The following DENND2C variants were observed in gnomAD, a reference collection of about 807,000 sequenced individuals.
The protein encoded by DENND2C is DENN domain containing 2C.
Under a neutral mutation model 112.4 loss-of-function variants are expected in DENND2C, and 72 were observed. That is an observed-to-expected ratio of 0.64 (90% CI 0.53 to 0.78). DENND2C has a LOEUF of 0.78. DENND2C is among the 30% of genes least tolerant of loss of function. The pLI, the probability that DENND2C is intolerant of heterozygous loss-of-function variation, is 0.00. For synonymous variants in DENND2C, 329 were observed against 381.6 expected (o/e 0.86, Z 1.61); for missense variants, 992 against 1,113.8 (o/e 0.89, Z 1.56).
chr1:114,632,915 C>A (rs931929752), intron 3 of DENND2C, among the ~76,000 whole-genome samples: 3 of 151,752 alleles, frequency 2.0e-5, no homozygotes, highest in African/African-American at 7.3e-5. Context: ...AAAAATGATA[C>A]CAGATAGATA....
intron 1 of DENND2C, among the ~76,000 whole-genome samples, chr1:114,657,717 T>C (rs968134886): frequency 3.3e-5 from 5 of 152,222 alleles, no homozygotes; most frequent in Non-Finnish European, 7.3e-5. Flanking sequence ...ATATCAACTG[T>C]AGACAATCCA....
At chr1:114,658,801 A>G (rs1380708634) in intron 1 of DENND2C, among the ~76,000 whole-genome samples, 1 of 120,472 alleles carries the variant, frequency 8.3e-6, no homozygotes, top group Non-Finnish European at 2.1e-5. Flanking sequence ...CAAAATGATA[A>G]CTTAGGCAGA....
chr1:114,623,125 T>G, intron 5 of DENND2C, 26 bp from the exon 6 acceptor site: 1 of 1,576,440 alleles, frequency 6.3e-7, no homozygotes, highest in South Asian at 1.2e-5. Context: ...AAAAAAATGT[T>G]TACATGAACA....
intron 2 of DENND2C, among the ~76,000 whole-genome samples, chr1:114,648,325 A>G (rs1287634766): frequency 2.0e-5 from 3 of 152,208 alleles, no homozygotes; most frequent in Non-Finnish European, 2.9e-5. Flanking sequence ...AAACTAATGC[A>G]ACAGGATGTC....
chr1:114,621,990 G>C lies in DENND2C; in HGVS notation c.1132C>G (p.Leu378Val). 3 of 1,550,926 alleles carry C rather than the reference G, an allele frequency of 1.9e-6. No homozygotes were observed. The highest frequency in any genetic ancestry group is 2.6e-6 in the Non-Finnish European group (3 of 1,147,046). ...ACCGGCAAAGTTGTATCTTTTGTAA[G>C]CTTTGACCGCAAATAAGCCTGTGAG... ...KNSQAYLRSK[L>V]TKDTTLPVTL... is the part of the protein sequence containing the mutation. Residue 378 changes from leucine to valine, a missense_variant, in exon 7 of 21, where the codon CTT becomes GTT. Leu to Val is a conservative substitution (Grantham distance 32, BLOSUM62 1). Coordinates refer to ENST00000393274, the MANE Select transcript of DENND2C (RefSeq NM_001256404.2).
At chr1:114,633,453 A>T (rs1044134556) in intron 3 of DENND2C, among the ~76,000 whole-genome samples, 8 of 150,606 alleles carry the variant, frequency 5.3e-5, no homozygotes, top group African/African-American at 2.0e-4. Flanking sequence ...AAAAAAAAAA[A>T]AAAAAAAAAG....
intron 11 of DENND2C, among the ~76,000 whole-genome samples, chr1:114,603,995 T>C (rs980862573): frequency 6.6e-6 from 1 of 152,180 alleles, no homozygotes; most frequent in African/African-American, 2.4e-5. Context: ...GTTTCCCAAA[T>C]AGTCTAGAAT....
At chr1:114,636,474 T>G (rs962182065) in intron 3 of DENND2C, among the ~76,000 whole-genome samples, 1 of 152,132 alleles carries the variant, frequency 6.6e-6, no homozygotes, top group African/African-American at 2.4e-5. Context: ...AAGACCATCG[T>G]GGGCAAAGTG....
intron 1 of DENND2C, among the ~76,000 whole-genome samples, chr1:114,656,691 C>T (rs74384470): frequency 0.05 from 7,577 of 150,292 alleles, 212 homozygotes; most frequent in South Asian, 0.086. Flanking sequence ...CCGCCGCACC[C>T]GGCCTAAACA....
chr1:114,622,765 T>A (rs1207522531), intron 6 of DENND2C, among the ~76,000 whole-genome samples: 1 of 149,554 alleles, frequency 6.7e-6, no homozygotes, highest in Non-Finnish European at 1.5e-5. Flanking sequence ...TCTAAAGGCA[T>A]ATATATTCAA....
At position 114,620,550 on chromosome 1, in the gene DENND2C, GT is replaced by G. The variant is rs1319045395; in HGVS notation, c.1227+1344del. ...CATCTTAAATGCAATCCCTTAAGGT[GT>G]TTGCATTCTTCTCCCTATTAACACA... On this transcript the variant is annotated intron_variant, in intron 7 of 20. Coordinates refer to ENST00000393274, the MANE Select transcript of DENND2C (RefSeq NM_001256404.2). 3.9e-5 allele frequency among the ~76,000 whole-genome samples: 6 copies of G among 152,294 alleles called. 1 individual carries two copies. The Middle Eastern group carries it at 0.01, about 259-fold the overall frequency.
At chr1:114,609,736 TC>T in intron 9 of DENND2C, among the ~76,000 whole-genome samples, 1 of 152,354 alleles carries the variant, frequency 6.6e-6, no homozygotes, top group South Asian at 2.1e-4. Flanking sequence ...GTCTTTCCTT[TC>T]TTTTTGATAC....
At chr1:114,636,650 G>A (rs1237708172) in intron 3 of DENND2C, among the ~76,000 whole-genome samples, 1 of 152,086 alleles carries the variant, frequency 6.6e-6, no homozygotes, top group East Asian at 1.9e-4. Flanking sequence ...CTGGGTGACA[G>A]AGTGAAACCC....
intron 14 of DENND2C, 117 bp from the exon 15 acceptor site, chr1:114,600,469 G>T: frequency 7.5e-7 from 1 of 1,328,664 alleles, no homozygotes; most frequent in Non-Finnish European, 1.0e-6. Flanking sequence ...TGCTACACGG[G>T]GTCTGTGAAG....
Position 114,608,818 on chromosome 1 carries a change from G to A in DENND2C, c.1425C>T (p.Tyr475=), listed in dbSNP as rs1378567445. Residue 475 remains tyrosine, a synonymous_variant, in exon 10 of 21, where the codon TAC becomes TAT. Transcript: ENST00000393274. ...LQPSSKRNPH[Y]QTLERDLIEL... The stretch of plus-strand genomic sequence containing the variant: ...CAATAAGATCCCGCTCCAAGGTCTG[G>A]TAGTGAGGATTCCTCTTGGAAGACG... 2 of 1,614,094 alleles carry A rather than the reference G, an allele frequency of 1.2e-6. No homozygotes were observed. The highest frequency in any genetic ancestry group is 1.1e-5 in the South Asian group (1 of 91,088).
At chr1:114,650,560 G>A (rs1357198707) in intron 2 of DENND2C, among the ~76,000 whole-genome samples, 1 of 148,756 alleles carries the variant, frequency 6.7e-6, no homozygotes, top group Non-Finnish European at 1.5e-5. Context: ...TGTAGTCCCA[G>A]CTACTCAGGA....
At chr1:114,601,971 C>T (rs949363748) in intron 12 of DENND2C, among the ~76,000 whole-genome samples, 154 bp downstream of exon 12, 3 of 152,198 alleles carry the variant, frequency 2.0e-5, no homozygotes, top group African/African-American at 7.2e-5. Flanking sequence ...TTAACCCCCA[C>T]CTTCCTCTTG....
intron 2 of DENND2C, among the ~76,000 whole-genome samples, chr1:114,653,495 T>C (rs1403899697): frequency 6.6e-6 from 1 of 152,198 alleles, no homozygotes; most frequent in African/African-American, 2.4e-5. Context: ...TCAAGATTTT[T>C]ATAAGATTGA....
At chr1:114,601,052 TTAAAA>T (rs1466624831) in intron 13 of DENND2C, 92 bp from the exon 14 acceptor site, 1 of 1,354,890 alleles carries the variant, frequency 7.4e-7, no homozygotes, top group Non-Finnish European at 9.9e-7. Context: ...TGTACAAACT[TTAAAA>T]TAACCCAAAT....
Sources: allele counts gnomAD v4.1 joint callset (sites outside exome capture counted in the v4.1 genomes callset), GRCh38; gene constraint gnomAD v4.1.1; transcripts MANE v1.5; gene names NCBI Gene and HGNC (gene_info 2026-07-23, HGNC 2026-07-21).